The following LRRC4C variants were observed in gnomAD, a reference collection of about 807,000 sequenced individuals.
LRRC4C encodes leucine-rich repeat-containing protein 4C.
In LRRC4C, 5 loss-of-function variants were observed where a neutral mutation model predicts 33.6. The ratio of observed to expected loss-of-function variants is 0.15; its 90% CI spans 0.08 to 0.31. The LOEUF is 0.31. LRRC4C is among the 10% of genes least tolerant of loss of function. The probability of loss-of-function intolerance (pLI) is 1.00; values close to 1 mark genes in which losing one functional copy is unlikely to be tolerated. For synonymous variants in LRRC4C, 329 were observed against 302.0 expected (o/e 1.09, Z -0.93); for missense variants, 560 against 796.7 (o/e 0.70, Z 3.58).
At chr11:40,359,113 C>T (rs940359894) in intron 3 of LRRC4C, among the ~76,000 whole-genome samples, 1 of 152,060 alleles carries the variant, frequency 6.6e-6, no homozygotes, top group Non-Finnish European at 1.5e-5. Flanking sequence ...TGTAATGTGT[C>T]GGGTATGTTT....
rs142258491 is a variant in LRRC4C, at chr11:40,212,794, T to C, written c.-96+28725A>G. 2.7e-4 allele frequency among the ~76,000 whole-genome samples: 41 copies of C among 152,246 alleles called. No individual in the cohort carries two copies. In the East Asian group the frequency reaches 7.5e-3, roughly 28 times the overall value. ...ACCTATTCAATACCGACGTCAAGAT[T>C]GGAATCCAAGCAGGGTAGTTTCAGA... On this transcript the variant is annotated intron_variant, in intron 5 of 6. Coordinates refer to ENST00000528697, the MANE Select transcript of LRRC4C (RefSeq NM_001258419.2).
chr11:40,316,214 A>G (rs1159503492), intron 4 of LRRC4C, among the ~76,000 whole-genome samples: 2 of 152,034 alleles, frequency 1.3e-5, no homozygotes, highest in African/African-American at 4.8e-5. Flanking sequence ...GTAACTCATT[A>G]TAGACATTGG....
At chr11:40,810,755 T>A in intron 2 of LRRC4C, among the ~76,000 whole-genome samples, 1 of 152,158 alleles carries the variant, frequency 6.6e-6, no homozygotes, top group East Asian at 1.9e-4. Context: ...TTAACATGTC[T>A]TTTTGGTTTG....
At chr11:40,404,010 G>A (rs1471114260) in intron 3 of LRRC4C, among the ~76,000 whole-genome samples, 1 of 152,124 alleles carries the variant, frequency 6.6e-6, no homozygotes, top group African/African-American at 2.4e-5. Flanking sequence ...GCACTGTCTA[G>A]GCATGGCCAT....
At chr11:41,440,264 A>G (rs1590286293) in intron 1 of LRRC4C, among the ~76,000 whole-genome samples, 2 of 152,208 alleles carry the variant, frequency 1.3e-5, no homozygotes, top group East Asian at 1.9e-4. Context: ...TTTGGAAAAA[A>G]GGAGTTTGTC....
At chr11:41,226,088 C>A (rs956427084) in intron 1 of LRRC4C, among the ~76,000 whole-genome samples, 5 of 152,076 alleles carry the variant, frequency 3.3e-5, no homozygotes, top group Non-Finnish European at 7.4e-5. Flanking sequence ...ATAGCTTGTA[C>A]GAGTCTATTT....
intron 1 of LRRC4C, among the ~76,000 whole-genome samples, chr11:41,056,023 A>C (rs183548787): frequency 6.6e-6 from 1 of 152,302 alleles, no homozygotes; most frequent in Admixed American, 6.5e-5. Flanking sequence ...TGTTAGTTAC[A>C]TGTACACAAG....
chr11:40,116,398 G>A (rs1411844065), intron 6 of LRRC4C, 64 bp from the exon 7 acceptor site: 1 of 1,471,116 alleles, frequency 6.8e-7, no homozygotes, highest in Non-Finnish European at 9.1e-7. Flanking sequence ...TCTTTCTGGA[G>A]TAATGTCGGT....
chr11:41,408,241 A>G (rs1954316269), intron 1 of LRRC4C, among the ~76,000 whole-genome samples: 1 of 152,206 alleles, frequency 6.6e-6, no homozygotes, highest in Admixed American at 6.5e-5. Context: ...CAGGATTAGA[A>G]TAATGAGAGG....
intron 1 of LRRC4C, among the ~76,000 whole-genome samples, chr11:41,071,554 C>A (rs946394275): frequency 6.6e-6 from 1 of 152,132 alleles, no homozygotes; most frequent in Non-Finnish European, 1.5e-5. Context: ...ATACTTTAAT[C>A]CCACTGTTGA....
At chr11:40,325,358 C>A (rs1437774696) in intron 3 of LRRC4C, among the ~76,000 whole-genome samples, 2 of 152,162 alleles carry the variant, frequency 1.3e-5, no homozygotes, top group African/African-American at 2.4e-5. Flanking sequence ...CCGGGCCAGT[C>A]ATGATAGCTC....
intron 2 of LRRC4C, among the ~76,000 whole-genome samples, chr11:40,899,635 A>G (rs896436765): frequency 1.3e-5 from 2 of 152,280 alleles, no homozygotes; most frequent in African/African-American, 2.4e-5. Flanking sequence ...TCTGTGTAGG[A>G]GAGCTTTATG....
chr11:40,915,651 C>G (rs936305131), intron 2 of LRRC4C, among the ~76,000 whole-genome samples: 8 of 152,168 alleles, frequency 5.3e-5, no homozygotes, highest in East Asian at 1.9e-4. Flanking sequence ...GACTTCATGT[C>G]TAAAACACCA....
At chr11:40,135,599 C>G (rs1259119305) in intron 6 of LRRC4C, among the ~76,000 whole-genome samples, 1 of 152,160 alleles carries the variant, frequency 6.6e-6, no homozygotes, top group East Asian at 1.9e-4. Flanking sequence ...TGTGCATGCT[C>G]CTATTTAAAC....
rs1032802825 is a variant in LRRC4C, at chr11:40,732,852, G to A, written c.-406-84574C>T. 1.1e-4 allele frequency among the ~76,000 whole-genome samples: 16 copies of A among 152,088 alleles called. 1 individual carries two copies. In the Middle Eastern group the frequency reaches 0.01, roughly 97 times the overall value. On this transcript the variant is annotated intron_variant, in intron 2 of 6. Coordinates refer to ENST00000528697, the MANE Select transcript of LRRC4C (RefSeq NM_001258419.2). ...TTGTCCAGCTCTACTATCTTTATTC[G>A]TGGAATATTTTAACCATTTGTGGAT...
At chr11:40,452,638 C>G (rs1475128431) in intron 3 of LRRC4C, among the ~76,000 whole-genome samples, 1 of 152,158 alleles carries the variant, frequency 6.6e-6, no homozygotes, top group Non-Finnish European at 1.5e-5. Context: ...CCTCAGGGAT[C>G]TAGAACTAGA....
chr11:40,943,199 G>A (rs1031573429), intron 1 of LRRC4C, among the ~76,000 whole-genome samples: 9 of 152,090 alleles, frequency 5.9e-5, no homozygotes, highest in Admixed American at 2.6e-4. Flanking sequence ...ATAACTAAAG[G>A]CTAGGTACTG....
intron 1 of LRRC4C, among the ~76,000 whole-genome samples, chr11:41,002,675 T>A (rs1479449932): frequency 6.6e-6 from 1 of 152,202 alleles, no homozygotes; most frequent in Non-Finnish European, 1.5e-5. Flanking sequence ...AGTAGTAGCA[T>A]GCCTTAATAT....
chr11:40,793,266 G>A (rs1453871502), intron 2 of LRRC4C, among the ~76,000 whole-genome samples: 5 of 152,024 alleles, frequency 3.3e-5, no homozygotes, highest in Non-Finnish European at 5.9e-5. Context: ...TTTAAAAATT[G>A]AGGGTCTCGA....
Sources: gnomAD v4.1 joint callset for allele counts (sites outside exome capture counted in the v4.1 genomes callset) on GRCh38, gnomAD v4.1.1 for gene constraint, MANE v1.5 for transcripts, NCBI Gene and HGNC (gene_info 2026-07-23, HGNC 2026-07-21) for gene names.